The following NECTIN3 variants were observed in gnomAD, a reference collection of about 807,000 sequenced individuals.
NECTIN3 encodes the protein nectin cell adhesion molecule 3.
Under a neutral mutation model 49.4 loss-of-function variants are expected in NECTIN3, and 8 were observed. The observed-to-expected ratio is 0.16, with a 90% CI of 0.10 to 0.29. The LOEUF is 0.29. Among genes scored for constraint, NECTIN3 ranks in the 10% least tolerant of loss-of-function variants. The probability of loss-of-function intolerance (pLI) is 1.00; values close to 1 mark genes in which losing one functional copy is unlikely to be tolerated. For missense variants in NECTIN3, 581 were observed against 654.6 expected (o/e 0.89, Z 1.23); for synonymous variants, 277 against 241.1 (o/e 1.15, Z -1.38).
At chr3:111,184,608 G>A (rs1188709372) in intron 7 of NECTIN3, among the ~76,000 whole-genome samples, 1 of 152,136 alleles carries the variant, frequency 6.6e-6, no homozygotes, top group Non-Finnish European at 1.5e-5. Flanking sequence ...TTCTGTTATA[G>A]CAACACAAAA....
intron 7 of NECTIN3, among the ~76,000 whole-genome samples, chr3:111,179,343 G>T (rs967349622): frequency 6.6e-6 from 1 of 152,100 alleles, no homozygotes; most frequent in Non-Finnish European, 1.5e-5. Flanking sequence ...AGCTGGCACA[G>T]GTTTCTCAAC....
At chr3:111,150,546 C>G (rs575648699) in intron 7 of NECTIN3, among the ~76,000 whole-genome samples, 1 of 151,960 alleles carries the variant, frequency 6.6e-6, no homozygotes, top group South Asian at 2.1e-4. Context: ...ATGAATGACA[C>G]AGAATATAAA....
At chr3:111,129,109 CTT>C (rs993352433) in intron 5 of NECTIN3, among the ~76,000 whole-genome samples, 1 of 152,186 alleles carries the variant, frequency 6.6e-6, no homozygotes, top group African/African-American at 2.4e-5. Flanking sequence ...ACCTCAGAGT[CTT>C]TTGCATTTGC....
intron 7 of NECTIN3, among the ~76,000 whole-genome samples, chr3:111,150,319 C>T (rs1576164029): frequency 1.3e-5 from 2 of 151,836 alleles, no homozygotes; most frequent in Admixed American, 6.6e-5. Context: ...CTCCTGATAC[C>T]TATTTTCACA....
rs140204562 is a variant in NECTIN3, at chr3:111,118,337, G to C, written c.503-319G>C. Reference sequence around the variant, plus strand: ...GAAGTAATACCTTTAATCTCATAAAGGGAATTGTGATCTCGTTCACAGAAA... The same window carrying C: ...GAAGTAATACCTTTAATCTCATAAACGGAATTGTGATCTCGTTCACAGAAA... On this transcript the variant is annotated intron_variant, in intron 2 of 5. Coordinates refer to ENST00000485303, the MANE Select transcript of NECTIN3 (RefSeq NM_015480.3). Among the ~76,000 whole-genome samples, 593 of 140,502 alleles carry C rather than the reference G, an allele frequency of 4.2e-3. 6 individuals carry two copies. Among genetic ancestry groups the C allele is most frequent in the African/African-American group, 0.014 (543 of 38,510 alleles). The allele number at this position is 140,502 out of a possible 152,430, so 92.2% of individuals were successfully genotyped here.
chr3:111,151,148 T>G (rs957377151), intron 7 of NECTIN3, among the ~76,000 whole-genome samples: 2 of 151,886 alleles, frequency 1.3e-5, no homozygotes, highest in African/African-American at 4.8e-5. Context: ...ATTTGACAGA[T>G]CAAAATTGTA....
chr3:111,081,274 C>A (rs751898385), intron 1 of NECTIN3, among the ~76,000 whole-genome samples: 2 of 152,206 alleles, frequency 1.3e-5, no homozygotes, highest in Non-Finnish European at 2.9e-5. Context: ...GGGCAAGACT[C>A]TGTTTCACCA....
intron 2 of NECTIN3, among the ~76,000 whole-genome samples, chr3:111,115,685 TG>T (rs1354162106): frequency 6.6e-6 from 1 of 152,170 alleles, no homozygotes; most frequent in African/African-American, 2.4e-5. Context: ...ATTAGGAAGA[TG>T]GGTCTGGTGT....
At chr3:111,137,690 C>A (rs1194106918), downstream of NECTIN3, 1 of 185,656 alleles carries the variant, frequency 5.4e-6, no homozygotes, top group African/African-American at 2.4e-5. Context: ...TTGTGGGAAT[C>A]AGAAACCTGT....
At chr3:111,114,163 C>G (rs949419601) in intron 2 of NECTIN3, among the ~76,000 whole-genome samples, 5 of 152,100 alleles carry the variant, frequency 3.3e-5, no homozygotes, top group Non-Finnish European at 5.9e-5. Context: ...TTGTCCACAC[C>G]TACTTTTCTC....
intron 7 of NECTIN3, among the ~76,000 whole-genome samples, chr3:111,178,075 C>G (rs1411642651): frequency 6.6e-6 from 1 of 152,032 alleles, no homozygotes; most frequent in Non-Finnish European, 1.5e-5. Flanking sequence ...AAATTAAAAC[C>G]TAGAATGTAT....
chr3:111,142,805 A>C (rs2034781060), intron 5 of NECTIN3, among the ~76,000 whole-genome samples: 1 of 151,854 alleles, frequency 6.6e-6, no homozygotes, highest in Non-Finnish European at 1.5e-5. Flanking sequence ...TTTGAAAAAA[A>C]ACCTTTACGG....
At chr3:111,073,803 T>C (rs1490627671) in intron 1 of NECTIN3, among the ~76,000 whole-genome samples, 3 of 152,356 alleles carry the variant, frequency 2.0e-5, no homozygotes, top group Non-Finnish European at 2.9e-5. Flanking sequence ...CCAGGTAATA[T>C]GCATAGCTGA....
At chr3:111,164,690 TCTTCCTCTCTATAA>T (rs1482947715) in intron 7 of NECTIN3, among the ~76,000 whole-genome samples, 2 of 152,208 alleles carry the variant, frequency 1.3e-5, no homozygotes, top group South Asian at 4.1e-4. Flanking sequence ...TACATGGTGT[TCTTCCTCTCTATAA>T]CTACATTTTC....
At position 111,135,229 on chromosome 3, in the gene NECTIN3, A is replaced by C; in HGVS notation, c.*1014A>C. The stretch of plus-strand genomic sequence containing the variant: ...ATGTACAGAAAGAAAATTTTAGAGT[A>C]AACTTGGAACTTTGGATATAACTAG... On this transcript the variant is annotated 3_prime_UTR_variant, in exon 6 of 6. Coordinates refer to ENST00000485303, the MANE Select transcript of NECTIN3 (RefSeq NM_015480.3). The C allele has an allele frequency of 1.0e-6, 1 of 972,116 alleles. No individual in the cohort carries two copies. The highest frequency in any genetic ancestry group is 1.8e-5 in the African/African-American group (1 of 56,944). 60.2% of individuals were successfully genotyped at this position (972,116 alleles called of 1,614,324 possible). A position where few individuals can be genotyped will look rare whatever the true frequency, so the allele number is the denominator to read the frequency against.
At chr3:111,140,927 G>C (rs2034727498), downstream of NECTIN3, among the ~76,000 whole-genome samples, 1 of 151,910 alleles carries the variant, frequency 6.6e-6, no homozygotes, top group African/African-American at 2.4e-5. Context: ...TTAAAGATAA[G>C]TGGTAATATT....
rs1488649339 is a variant in NECTIN3, at chr3:111,072,451, G to A, written c.160+274G>A. ...GAGGGTTGGCGATGGTGCTTCGTGC[G>A]CCGAACTCCGGGTTTGCTCCGGGGA... is the stretch of plus-strand genomic sequence containing the variant. On this transcript the variant is annotated intron_variant, in intron 1 of 5. Transcript: ENST00000485303. 3 of 1,534,856 alleles carry A rather than the reference G, an allele frequency of 2.0e-6. No homozygotes were observed. The African/African-American group carries it at 4.1e-5, about 21-fold the overall frequency.
chr3:111,136,413 G>A lies in NECTIN3; in HGVS notation c.*2198G>A. On this transcript the variant is annotated 3_prime_UTR_variant, in exon 6 of 6. Coordinates refer to ENST00000485303, the MANE Select transcript of NECTIN3 (RefSeq NM_015480.3). ...GAGGGTGACCTGGAAAGCCACAAGT[G>A]AGTATTTGACATATTCTGTATCCTT... The A allele has an allele frequency of 1.0e-6, 1 of 984,482 alleles. No individual in the cohort carries two copies. The highest frequency in any genetic ancestry group is 1.2e-6 in the Non-Finnish European group (1 of 829,294). The allele number at this position is 984,482 out of a possible 1,614,324, so 61.0% of individuals were successfully genotyped here. A position where few individuals can be genotyped will look rare whatever the true frequency, so the allele number is the denominator to read the frequency against.
upstream of NECTIN3, among the ~76,000 whole-genome samples, chr3:111,191,159 G>A (rs775661586): frequency 1.3e-5 from 2 of 152,122 alleles, no homozygotes; most frequent in Non-Finnish European, 2.9e-5. Context: ...TGAAAGCAGG[G>A]ATGTGAAAAT....
Sources: gnomAD v4.1 joint callset for allele counts (sites outside exome capture counted in the v4.1 genomes callset) on GRCh38, gnomAD v4.1.1 for gene constraint, MANE v1.5 for transcripts, NCBI Gene and HGNC (gene_info 2026-07-23, HGNC 2026-07-21) for gene names.